YWHAQ: variants seen among roughly 807,000 people sequenced by gnomAD.
YWHAQ encodes 14-3-3 protein theta.
Under a neutral mutation model 28.3 loss-of-function variants are expected in YWHAQ, and 6 were observed. The observed-to-expected ratio is 0.21, with a 90% CI of 0.12 to 0.42. The LOEUF (loss-of-function observed/expected upper bound fraction) is 0.42, where lower values mean the gene tolerates loss of function less well. Among genes scored for constraint, YWHAQ ranks in the 10% least tolerant of loss-of-function variants. YWHAQ has a pLI of 1.00. For missense variants in YWHAQ, 201 were observed against 305.6 expected, an observed-to-expected ratio of 0.66 and a Z score of 2.55; for synonymous variants, 143 against 119.1, an observed-to-expected ratio of 1.20 and a Z score of -1.31.
At chr2:9,611,915 C>T (rs141823392) in intron 2 of YWHAQ, among the ~76,000 whole-genome samples, 26 of 152,320 alleles carry the variant, frequency 1.7e-4, no homozygotes, top group East Asian at 5.8e-4. Flanking sequence ...GTGATCTACC[C>T]GCCTTGGCCT....
chr2:9,617,863 G>A (rs1334650085), intron 2 of YWHAQ, among the ~76,000 whole-genome samples: 1 of 151,644 alleles, frequency 6.6e-6, no homozygotes, highest in Non-Finnish European at 1.5e-5. Flanking sequence ...GGAGTTTGAG[G>A]ATGCAGTGAG....
chr2:9,623,647 C>A (rs1357828252), intron 2 of YWHAQ, among the ~76,000 whole-genome samples: 2 of 152,128 alleles, frequency 1.3e-5, no homozygotes, highest in Non-Finnish European at 2.9e-5. Flanking sequence ...GTGGTGCATG[C>A]CTGTAATCCC....
chr2:9,591,302 C>T, intron 3 of YWHAQ, 90 bp downstream of exon 3: 1 of 1,416,172 alleles, frequency 7.1e-7, no homozygotes, highest in Non-Finnish European at 9.4e-7. Flanking sequence ...CACAAAGAGC[C>T]TGAAGACTAC....
intron 2 of YWHAQ, among the ~76,000 whole-genome samples, chr2:9,597,523 G>A (rs916734334): frequency 5.3e-5 from 8 of 150,378 alleles, no homozygotes; most frequent in Non-Finnish European, 1.0e-4. Flanking sequence ...GCAGGCACCT[G>A]TAATCCCAGC....
intron 2 of YWHAQ, among the ~76,000 whole-genome samples, chr2:9,629,199 C>G (rs1667307243): frequency 6.6e-6 from 1 of 152,054 alleles, no homozygotes; most frequent in Non-Finnish European, 1.5e-5. Flanking sequence ...AAGTAGGCCT[C>G]TTGTAAAAGT....
At chr2:9,601,417 A>G (rs6745213) in intron 2 of YWHAQ, among the ~76,000 whole-genome samples, 89,078 of 152,032 alleles carry the variant, frequency 0.59, 28,361 homozygotes, top group African/African-American at 0.81. Context: ...AGTGAGCCAG[A>G]ATTGCACCAC....
chr2:9,616,883 C>T (rs556788789), intron 2 of YWHAQ, among the ~76,000 whole-genome samples: 3 of 152,202 alleles, frequency 2.0e-5, no homozygotes, highest in Non-Finnish European at 4.4e-5. Context: ...CAGCATTATT[C>T]TTAACAGCCT....
At chr2:9,591,842 C>T (rs1013933999) in intron 2 of YWHAQ, among the ~76,000 whole-genome samples, 3 of 152,192 alleles carry the variant, frequency 2.0e-5, no homozygotes, top group Admixed American at 6.6e-5. Flanking sequence ...GGTGCTATAA[C>T]GGATATAGAG....
Position 9,608,674 on chromosome 2 carries a change from T to C in YWHAQ, c.295-17159A>G, listed in dbSNP as rs138604802. Among the ~76,000 whole-genome samples, 324 of 152,190 alleles carry C rather than the reference T, an allele frequency of 2.1e-3. 2 individuals carry two copies. Among genetic ancestry groups the C allele is most frequent in the African/African-American group, 7.4e-3 (309 of 41,520 alleles). ...ACGCTATTAAAAATAACAGGCTGGG[T>C]GCGATGGCTCACGCCTGTAATCCCA... is the stretch of plus-strand genomic sequence containing the variant. On this transcript the variant is annotated intron_variant, in intron 2 of 5. Coordinates refer to ENST00000238081, the MANE Select transcript of YWHAQ (RefSeq NM_006826.4).
chr2:9,598,307 A>G (rs1666620171), intron 2 of YWHAQ, among the ~76,000 whole-genome samples: 1 of 152,102 alleles, frequency 6.6e-6, no homozygotes, highest in African/African-American at 2.4e-5. Flanking sequence ...AACCTCTACA[A>G]CCACATTTTA....
At chr2:9,613,159 A>T (rs974354497) in intron 2 of YWHAQ, among the ~76,000 whole-genome samples, 22 of 152,244 alleles carry the variant, frequency 1.4e-4, no homozygotes, top group African/African-American at 3.6e-4. Flanking sequence ...TATTTTTTTT[A>T]AAAAGTGTTA....
In YWHAQ at chr2:9,630,475, G is replaced by A. The variant is rs559702166; in HGVS notation, c.-23C>T. The A allele has an allele frequency of 3.2e-6, 5 of 1,570,318 alleles. No homozygotes were observed. In the African/African-American group the frequency reaches 4.0e-5, roughly 13 times the overall value. On this transcript the variant is annotated 5_prime_UTR_variant, in exon 2 of 6. Coordinates refer to ENST00000238081, the MANE Select transcript of YWHAQ (RefSeq NM_006826.4). The surrounding 1 kb of genome is among the most constrained non-coding windows in gnomAD (Gnocchi z 5.6). ...CATGGCGGGCGCGGGGCCGGGGCCGGGGCGGAGGGCGAGGAGAGCGAGGGC... is the reference window on the plus strand; with the variant it reads ...CATGGCGGGCGCGGGGCCGGGGCCGAGGCGGAGGGCGAGGAGAGCGAGGGC...
rs192693273 is a variant in YWHAQ at position 9,588,992 on chromosome 2, C to T, written c.419-664G>A. Among the ~76,000 whole-genome samples the T allele has an allele frequency of 3.0e-4, 45 of 151,994 alleles. No individual in the cohort carries two copies. In the East Asian group the frequency reaches 6.4e-3, roughly 22 times the overall value. On this transcript the variant is annotated intron_variant, in intron 3 of 5. Coordinates refer to ENST00000238081, the MANE Select transcript of YWHAQ (RefSeq NM_006826.4). ...TAAAAAATAGCTAGGCATGGTAGTG[C>T]GTGCCTGTAGCTCTAGCTACTTGGG...
At chr2:9,619,988 A>G (rs956419582) in intron 2 of YWHAQ, among the ~76,000 whole-genome samples, 9 of 152,244 alleles carry the variant, frequency 5.9e-5, no homozygotes, top group Non-Finnish European at 1.3e-4. Flanking sequence ...ATTATTGAAG[A>G]ACAACAGCAG....
At chr2:9,593,148 T>C (rs1230258889) in intron 2 of YWHAQ, among the ~76,000 whole-genome samples, 1 of 152,062 alleles carries the variant, frequency 6.6e-6, no homozygotes, top group African/African-American at 2.4e-5. Context: ...TGTTTATAAA[T>C]TTAAAAATAT....
chr2:9,596,889 C>A (rs922425067), intron 2 of YWHAQ, among the ~76,000 whole-genome samples: 1 of 152,146 alleles, frequency 6.6e-6, no homozygotes, highest in African/African-American at 2.4e-5. Flanking sequence ...AAGGGATCCG[C>A]CCTCTTCAGT....
At chr2:9,619,857 G>A (rs1273705315) in intron 2 of YWHAQ, among the ~76,000 whole-genome samples, 1 of 152,174 alleles carries the variant, frequency 6.6e-6, no homozygotes, top group African/African-American at 2.4e-5. Context: ...AGAACACCTA[G>A]TATAAATATG....
chr2:9,611,161 T>TA (rs1336403861), intron 2 of YWHAQ, among the ~76,000 whole-genome samples: 3 of 152,170 alleles, frequency 2.0e-5, no homozygotes, highest in Non-Finnish European at 4.4e-5. Context: ...ATGTACAGTC[T>TA]AAAAAAGTGT....
At chr2:9,622,549 T>C (rs1374235184) in intron 2 of YWHAQ, among the ~76,000 whole-genome samples, 1 of 152,196 alleles carries the variant, frequency 6.6e-6, no homozygotes, top group Admixed American at 6.5e-5. Context: ...CTTGGCCCCA[T>C]GCATCATTCC....
Sources: allele counts gnomAD v4.1 joint callset (sites outside exome capture counted in the v4.1 genomes callset), GRCh38; gene constraint gnomAD v4.1.1; non-coding constraint Gnocchi (gnomAD v3.1); transcripts MANE v1.5; gene names NCBI Gene and HGNC (gene_info 2026-07-23, HGNC 2026-07-21).